The following DHRS1 variants were observed in gnomAD, a reference collection of about 807,000 sequenced individuals.
The protein encoded by DHRS1 is dehydrogenase/reductase 1, also known as dehydrogenase/reductase SDR family member 1.
Under a neutral mutation model 35.2 loss-of-function variants are expected in DHRS1, and 34 were observed. The ratio of observed to expected loss-of-function variants is 0.97; its 90% CI spans 0.74 to 1.29. The LOEUF (loss-of-function observed/expected upper bound fraction) is 1.29, where lower values mean the gene tolerates loss of function less well. DHRS1 is among the 50% of genes most tolerant of loss of function. The probability of loss-of-function intolerance (pLI) is 0.00; values close to 1 mark genes in which losing one functional copy is unlikely to be tolerated. For synonymous variants in DHRS1, 133 were observed against 160.0 expected (o/e 0.83, Z 1.27); for missense variants, 354 against 403.6 (o/e 0.88, Z 1.05).
At chr14:24,297,018 G>T in intron 2 of DHRS1, 137 bp from the exon 3 acceptor site, 1 of 1,166,650 alleles carries the variant, frequency 8.6e-7, no homozygotes, top group Non-Finnish European at 1.2e-6. Context: ...AACATGGCAG[G>T]CAACGCTGCC....
chr14:24,292,283 C>T lies in DHRS1; in HGVS notation c.555G>A (p.Gly185=). The change falls in exon 6 of 9, where the codon GGG becomes GGA. Residue 185 remains glycine, a synonymous_variant. Transcript: ENST00000288111. ...ADCAHELRRH[G]VSCVSLWPGI... is the part of the protein sequence containing the mutation. Reference sequence around the variant, plus strand: ...CCGGCCACAGAGACACACAGCTGACCCCATGGCGCCGCAGCTCGTGGGCAC... The same window carrying T: ...CCGGCCACAGAGACACACAGCTGACTCCATGGCGCCGCAGCTCGTGGGCAC... 1 of 1,614,156 alleles carries T rather than the reference C, an allele frequency of 6.2e-7. No homozygotes were observed. Among genetic ancestry groups the T allele is most frequent in the Non-Finnish European group, 8.5e-7 (1 of 1,180,024 alleles).
rs754264014 is a variant in DHRS1, at chr14:24,292,272, A to G, written c.566T>C (p.Val189Ala). The G allele has an allele frequency of 1.9e-5, 30 of 1,613,994 alleles. No homozygotes were observed. The highest frequency in any genetic ancestry group is 2.4e-5 in the Non-Finnish European group (28 of 1,180,020). Residue 189 changes from valine to alanine, a missense_variant, in exon 6 of 9, where the codon GTG (valine) becomes GCG (alanine). Val to Ala is a moderately conservative substitution (Grantham distance 64, BLOSUM62 0). Transcript: ENST00000288111. ...HELRRHGVSCVSLWPGIVQTE... is the reference protein window; with the variant it reads ...HELRRHGVSCASLWPGIVQTE... The stretch of plus-strand genomic sequence containing the variant: ...CTGCACAATCCCCGGCCACAGAGAC[A>G]CACAGCTGACCCCATGGCGCCGCAG...
At chr14:24,293,647 T>C (rs1466029784) in intron 4 of DHRS1, 1 of 151,752 alleles carries the variant, frequency 6.6e-6, no homozygotes, top group Non-Finnish European at 1.5e-5. Context: ...GACTAATGTC[T>C]TGTGGGTGAG....
At position 24,296,891 on chromosome 14, in the gene DHRS1, G is replaced by A; in HGVS notation, c.151-10C>T. ...CCCCGAGGGATTGTGCCTGGAGTAG[G>A]ACAGGGGATATGAGCTCACATTCAC... On this transcript the variant is annotated splice_polypyrimidine_tract_variant and intron_variant, in intron 2 of 8. Transcript: ENST00000288111. 6.2e-7 allele frequency: 1 copy of A among 1,614,182 alleles called. No homozygotes were observed. Among genetic ancestry groups the A allele is most frequent in the Non-Finnish European group, 8.5e-7 (1 of 1,180,028 alleles).
chr14:24,296,756 A>G lies in DHRS1; in HGVS notation c.276T>C (p.Asn92=), dbSNP rs1342869510. The change falls in exon 3 of 9, where the codon AAT becomes AAC. Residue 92 remains asparagine (N), a synonymous_variant. Coordinates refer to ENST00000288111, the MANE Select transcript of DHRS1 (RefSeq NM_001136050.3). ...QQGRLDVLVN[N]AYAGVQTILN... ...AGGGTACCTGGACCCCTGCATAAGC[A>G]TTGTTGACCAGCACATCTAGACGCC... The G allele has an allele frequency of 1.9e-6, 3 of 1,614,202 alleles. No homozygotes were observed. The South Asian group carries it at 3.3e-5, about 18-fold the overall frequency.
At chr14:24,296,663 T>C in intron 3 of DHRS1, 75 bp from the exon 4 acceptor site, 1 of 1,612,578 alleles carries the variant, frequency 6.2e-7, no homozygotes, top group East Asian at 2.2e-5. Context: ...GAAGGGACAA[T>C]GAGTGGGGAT....
Position 24,292,182 on chromosome 14 carries a change from A to G in DHRS1, c.654+2T>C, listed in dbSNP as rs775535071. 2.2e-5 allele frequency: 36 copies of G among 1,613,728 alleles called. No individual in the cohort carries two copies. The highest frequency in any genetic ancestry group is 2.9e-5 in the Non-Finnish European group (34 of 1,179,936). ...TGCTTCCTTCGCCCTCCCCTTGCCA[A>G]CCTGCTTCAACACAGGATCCTGCAG... On this transcript the variant is annotated splice_donor_variant, in intron 6 of 8. Coordinates refer to ENST00000288111, the MANE Select transcript of DHRS1 (RefSeq NM_001136050.3). LOFTEE classifies it high-confidence loss of function.
In DHRS1 at chr14:24,296,484, T is replaced by G. The variant is rs2041249556; in HGVS notation, c.374+25A>C. ...AGTTGGCTAAGTGAGTGAGGGAACA[T>G]GGGTCCTGGCAGTGGAGCACCCACC... On this transcript the variant is annotated intron_variant, in intron 4 of 8. Transcript: ENST00000288111. 3 of 1,613,086 alleles carry G rather than the reference T, an allele frequency of 1.9e-6. No homozygotes were observed. In the East Asian group the frequency reaches 6.7e-5, roughly 36 times the overall value.
intron 6 of DHRS1, 111 bp downstream of exon 6, chr14:24,292,073 C>A (rs1481143795): frequency 7.4e-7 from 1 of 1,359,708 alleles, no homozygotes; most frequent in African/African-American, 1.4e-5. Context: ...CATGCTCAGC[C>A]CTGCACCTGC....
Position 24,296,441 on chromosome 14 carries a change from G to GGA in DHRS1, c.374+66_374+67dup. On this transcript the variant is annotated intron_variant, in intron 4 of 8. Transcript: ENST00000288111. Reference sequence around the variant, plus strand: ...GGAGGGAAAAGGAGAGGGCATGTAAGGAAAGGCCTGGCCGTCGAGTTGGCT... The same window carrying GGA: ...GGAGGGAAAAGGAGAGGGCATGTAAGGAGAAAGGCCTGGCCGTCGAGTTGGCT... 3 of 1,491,484 alleles carry GGA rather than the reference G, an allele frequency of 2.0e-6. No individual in the cohort carries two copies. The South Asian group carries it at 3.4e-5, about 17-fold the overall frequency. The allele number at this position is 1,491,484 out of a possible 1,614,324, so 92.4% of individuals were successfully genotyped here.
rs1186024427 is a variant in DHRS1 at position 24,296,723 on chromosome 14, A to G, written c.294+15T>C. 6.2e-7 allele frequency: 1 copy of G among 1,614,028 alleles called. No homozygotes were observed. Among genetic ancestry groups the G allele is most frequent in the African/African-American group, 1.3e-5 (1 of 74,878 alleles). On this transcript the variant is annotated intron_variant, in intron 3 of 8. Coordinates refer to ENST00000288111, the MANE Select transcript of DHRS1 (RefSeq NM_001136050.3). ...GGTCAGAAATGTGGAGTTGGGAACA[A>G]AGTTCAAAGGGTACCTGGACCCCTG...
At chr14:24,296,334 T>C (rs915202041) in intron 4 of DHRS1, among the ~76,000 whole-genome samples, 175 bp downstream of exon 4, 15 of 152,064 alleles carry the variant, frequency 9.9e-5, no homozygotes, top group African/African-American at 3.1e-4. Context: ...CATTCTCAGG[T>C]ACAGACTCAC....
intron 4 of DHRS1, chr14:24,293,994 G>A (rs2041206273): frequency 6.6e-6 from 1 of 152,188 alleles, no homozygotes; most frequent in Non-Finnish European, 1.5e-5. Context: ...ATCAGTGGGG[G>A]AAAGTTGGAT....
rs769351196 is a variant in DHRS1 at position 24,296,493 on chromosome 14, G to A, written c.374+16C>T. Reference sequence around the variant, plus strand: ...AGTGAGTGAGGGAACATGGGTCCTGGCAGTGGAGCACCCACCTGAGTCCGA... The same window carrying A: ...AGTGAGTGAGGGAACATGGGTCCTGACAGTGGAGCACCCACCTGAGTCCGA... On this transcript the variant is annotated intron_variant, in intron 4 of 8. Transcript: ENST00000288111. 25 of 1,613,568 alleles carry A rather than the reference G, an allele frequency of 1.5e-5. No homozygotes were observed. In the South Asian group the frequency reaches 1.8e-4, roughly 11 times the overall value.
intron 2 of DHRS1, 141 bp downstream of exon 2, chr14:24,298,816 T>G: frequency 9.2e-7 from 1 of 1,087,860 alleles, no homozygotes; most frequent in Non-Finnish European, 1.2e-6. Context: ...TTTACGGGGT[T>G]TTTAATTTCC....
intron 2 of DHRS1, 87 bp from the exon 3 acceptor site, chr14:24,296,968 TGA>T: frequency 1.3e-6 from 2 of 1,574,066 alleles, no homozygotes; most frequent in Non-Finnish European, 1.7e-6. Context: ...GCTTGAGAAC[TGA>T]GAAGACAATC....
intron 1 of DHRS1, 72 bp from the exon 2 acceptor site, chr14:24,299,202 G>A: frequency 7.1e-7 from 1 of 1,403,820 alleles, no homozygotes. Context: ...TTGGGGGGTA[G>A]GGGAGAACCT....
intron 1 of DHRS1, 135 bp from the exon 2 acceptor site, chr14:24,299,265 T>A: frequency 2.9e-5 from 23 of 793,676 alleles, no homozygotes; most frequent in Non-Finnish European, 4.4e-5. Flanking sequence ...GGGAGAGGAG[T>A]CAGAGGCTGA....
At chr14:24,291,278 T>C (rs1566400368) in intron 7 of DHRS1, 59 bp from the exon 8 acceptor site, 2 of 1,548,882 alleles carry the variant, frequency 1.3e-6, no homozygotes, top group East Asian at 4.5e-5. Flanking sequence ...GTGACAAGGT[T>C]TGGGCCCAGT....
Sources: gnomAD v4.1 joint callset for allele counts (sites outside exome capture counted in the v4.1 genomes callset) on GRCh38, gnomAD v4.1.1 for gene constraint, MANE v1.5 for transcripts, NCBI Gene and HGNC (gene_info 2026-07-23, HGNC 2026-07-21) for gene names.